MAP6: variants seen among roughly 807,000 people sequenced by gnomAD.
MAP6 encodes microtubule associated protein 6, also known as microtubule-associated protein 6.
MAP6 carries 26 observed loss-of-function variants against 42.4 expected under a neutral mutation model. The ratio of observed to expected loss-of-function variants is 0.61; its 90% CI spans 0.45 to 0.85. MAP6 has a LOEUF of 0.85. Among genes scored for constraint, MAP6 ranks in the 40% least tolerant of loss-of-function variants. The pLI, the probability that MAP6 is intolerant of heterozygous loss-of-function variation, is 0.00. For synonymous variants in MAP6, 418 were observed against 443.8 expected (o/e 0.94, Z 0.73); for missense variants, 966 against 1,099.0 (o/e 0.88, Z 1.71).
intron 1 of MAP6, among the ~76,000 whole-genome samples, chr11:75,644,745 A>G (rs959613191): frequency 3.9e-5 from 6 of 152,248 alleles, no homozygotes; most frequent in Admixed American, 3.3e-4. Flanking sequence ...CAATATTGTC[A>G]TCATTTGCAG....
chr11:75,603,676 G>A, intron 3 of MAP6: 1 of 985,218 alleles, frequency 1.0e-6, no homozygotes, highest in Non-Finnish European at 1.2e-6. Context: ...TGGTCATAGG[G>A]ATCAAGTCAT....
At chr11:75,625,958 A>T (rs1480952549) in intron 1 of MAP6, among the ~76,000 whole-genome samples, 1 of 152,176 alleles carries the variant, frequency 6.6e-6, no homozygotes, top group African/African-American at 2.4e-5. Flanking sequence ...TCGTCCTCTG[A>T]GTAGCTTATC....
At chr11:75,593,738 A>G (rs191369850) in intron 3 of MAP6, among the ~76,000 whole-genome samples, 2 of 152,324 alleles carry the variant, frequency 1.3e-5, no homozygotes, top group Admixed American at 1.3e-4. Context: ...AAAAGCCTTG[A>G]GGAAGAAAGA....
rs922868067 is a variant in MAP6, at chr11:75,605,005, G to A, written c.1316+803C>T. On this transcript the variant is annotated intron_variant, in intron 3 of 3. Transcript: ENST00000304771. ...AGACATCTCCAACCGGTCGCTCTGC[G>A]AAACCAGCAGCATTGGACAGGTGGT... The A allele has an allele frequency of 1.0e-5, 10 of 985,364 alleles. No homozygotes were observed. The African/African-American group carries it at 1.0e-4, about 10-fold the overall frequency. 61.0% of individuals were successfully genotyped at this position (985,364 alleles called of 1,614,324 possible).
chr11:75,641,389 C>T (rs1231357200), intron 1 of MAP6, among the ~76,000 whole-genome samples: 9 of 150,178 alleles, frequency 6.0e-5, no homozygotes, highest in South Asian at 2.1e-4. Context: ...TATTAAATGA[C>T]GAGTTAATGG....
chr11:75,595,575 C>T (rs1274500725), intron 3 of MAP6, among the ~76,000 whole-genome samples: 3 of 152,148 alleles, frequency 2.0e-5, no homozygotes, highest in East Asian at 1.9e-4. Context: ...ATGATCAGCC[C>T]AAGCAGCTCT....
intron 1 of MAP6, among the ~76,000 whole-genome samples, chr11:75,624,379 C>T (rs1428445944): frequency 1.3e-5 from 2 of 152,268 alleles, no homozygotes; most frequent in South Asian, 2.1e-4. Context: ...CTTAATTCCT[C>T]TCTATGCCAG....
chr11:75,626,414 C>G (rs1164930168), intron 1 of MAP6, among the ~76,000 whole-genome samples: 2 of 152,150 alleles, frequency 1.3e-5, no homozygotes, highest in African/African-American at 4.8e-5. Context: ...AGGAGCCACT[C>G]AAGACCTAAG....
At chr11:75,624,799 G>A (rs1943168736) in intron 1 of MAP6, among the ~76,000 whole-genome samples, 1 of 152,192 alleles carries the variant, frequency 6.6e-6, no homozygotes. Flanking sequence ...CTGGCTCCAG[G>A]CTCATATTCC....
chr11:75,633,847 G>C (rs1385683683), intron 1 of MAP6, among the ~76,000 whole-genome samples: 1 of 152,228 alleles, frequency 6.6e-6, no homozygotes, highest in African/African-American at 2.4e-5. Context: ...GCAGAGTGGG[G>C]AGGGCCTTGG....
chr11:75,664,259 G>T (rs1389842149), intron 1 of MAP6, among the ~76,000 whole-genome samples: 1 of 152,138 alleles, frequency 6.6e-6, no homozygotes, highest in Non-Finnish European at 1.5e-5. Flanking sequence ...AGCTATCCTG[G>T]ATACTACTTG....
intron 3 of MAP6, among the ~76,000 whole-genome samples, chr11:75,598,382 T>A (rs1297172230): frequency 6.6e-6 from 1 of 152,192 alleles, no homozygotes; most frequent in Non-Finnish European, 1.5e-5. Context: ...TTAGGAGCCC[T>A]GAACTGAGCA....
At chr11:75,637,192 T>C (rs992246913) in intron 1 of MAP6, among the ~76,000 whole-genome samples, 34 of 152,330 alleles carry the variant, frequency 2.2e-4, no homozygotes, top group Non-Finnish European at 2.9e-4. Flanking sequence ...GGGGTTAGAA[T>C]TTTAAATCAA....
intron 1 of MAP6, among the ~76,000 whole-genome samples, chr11:75,665,142 A>T (rs1054715876): frequency 6.6e-6 from 1 of 152,220 alleles, no homozygotes; most frequent in Non-Finnish European, 1.5e-5. Context: ...TGCTAAAAAT[A>T]ATCATTCTCA....
chr11:75,654,609 T>C (rs1943705383), intron 1 of MAP6, among the ~76,000 whole-genome samples: 1 of 152,236 alleles, frequency 6.6e-6, no homozygotes, highest in South Asian at 2.1e-4. Context: ...TAGTGATTCA[T>C]CTGAGATGCA....
intron 1 of MAP6, among the ~76,000 whole-genome samples, chr11:75,627,996 C>A (rs180900453): frequency 6.6e-6 from 1 of 152,072 alleles, no homozygotes; most frequent in South Asian, 2.1e-4. Context: ...CTTCTCCCTT[C>A]GACTGAAATC....
intron 3 of MAP6, chr11:75,605,453 G>A: frequency 1.9e-6 from 2 of 1,036,456 alleles, no homozygotes; most frequent in Non-Finnish European, 2.3e-6. Context: ...GGATCTGGGA[G>A]GAGGAGACCC....
chr11:75,609,403 A>G (rs1317893278), intron 1 of MAP6, among the ~76,000 whole-genome samples: 3 of 152,178 alleles, frequency 2.0e-5, no homozygotes, highest in African/African-American at 7.2e-5. Context: ...TCCAAGTCCC[A>G]CTGTCTCCCT....
At chr11:75,641,568 C>T (rs1943472613) in intron 1 of MAP6, among the ~76,000 whole-genome samples, 3 of 152,262 alleles carry the variant, frequency 2.0e-5, no homozygotes, top group South Asian at 4.1e-4. Flanking sequence ...CTGTAAACAA[C>T]CACTTCGTGT....
Sources: gnomAD v4.1 joint callset for allele counts (sites outside exome capture counted in the v4.1 genomes callset) on GRCh38, gnomAD v4.1.1 for gene constraint, MANE v1.5 for transcripts, NCBI Gene and HGNC (gene_info 2026-07-23, HGNC 2026-07-21) for gene names.